ARHGAP8: variants seen among roughly 807,000 people sequenced by gnomAD.
ARHGAP8 encodes Rho GTPase activating protein 8, also known as rho GTPase-activating protein 8.
ARHGAP8 carries 62 observed loss-of-function variants against 46.1 expected under a neutral mutation model. The observed-to-expected ratio is 1.34, with a 90% CI of 1.10 to 1.66. ARHGAP8 has a LOEUF of 1.66. Among genes scored for constraint, ARHGAP8 ranks in the 40% most tolerant of loss-of-function variants. The pLI is 0.00. For synonymous variants in ARHGAP8, 375 were observed against 243.1 expected (o/e 1.54, Z -5.05); for missense variants, 923 against 568.4 (o/e 1.62, Z -6.34).
chr22:44,769,832 T>G (rs1000988769), intron 1 of ARHGAP8, among the ~76,000 whole-genome samples: 1 of 152,240 alleles, frequency 6.6e-6, no homozygotes, highest in Non-Finnish European at 1.5e-5. Flanking sequence ...ACAGGAGAAC[T>G]GGAGTTATGA....
chr22:44,790,422 T>C (rs1927573359), intron 2 of ARHGAP8, among the ~76,000 whole-genome samples: 1 of 151,962 alleles, frequency 6.6e-6, no homozygotes. Context: ...ATGCCTGTAA[T>C]CCCAGTACTT....
At position 44,857,678 on chromosome 22, in the gene ARHGAP8, C is replaced by G. The variant is rs537049039; in HGVS notation, c.878-2053C>G. Among the ~76,000 whole-genome samples, 34 of 152,222 alleles carry G rather than the reference C, an allele frequency of 2.2e-4. 1 individual carries two copies. The highest frequency in any genetic ancestry group is 8.2e-4 in the African/African-American group (34 of 41,538). Reference sequence around the variant, plus strand: ...CTTCCCTCTGGGTATAGGGAAGGCGCCTCTCATAGGATGATCTCATGGCCT... The same window carrying G: ...CTTCCCTCTGGGTATAGGGAAGGCGGCTCTCATAGGATGATCTCATGGCCT... On this transcript the variant is annotated intron_variant, in intron 10 of 11. Coordinates refer to ENST00000356099, the MANE Select transcript of ARHGAP8 (RefSeq NM_181335.3).
intron 4 of ARHGAP8, chr22:44,808,660 C>G (rs1489745925): frequency 2.3e-6 from 2 of 853,182 alleles, no homozygotes; most frequent in Non-Finnish European, 3.7e-6. Flanking sequence ...TTCTTTCTTT[C>G]TTTTTTTTAA....
intron 7 of ARHGAP8, among the ~76,000 whole-genome samples, chr22:44,843,836 A>G (rs1931806820): frequency 6.6e-6 from 1 of 151,854 alleles, no homozygotes; most frequent in Non-Finnish European, 1.5e-5. Context: ...AAAAAAAAAA[A>G]AAAAAAAAGG....
intron 7 of ARHGAP8, among the ~76,000 whole-genome samples, chr22:44,833,992 A>G (rs1295627531): frequency 6.6e-6 from 1 of 152,104 alleles, no homozygotes; most frequent in Non-Finnish European, 1.5e-5. Flanking sequence ...GTCACTAGTA[A>G]TGTTTCCTCT....
Position 44,798,529 on chromosome 22 carries a change from GTT to G in ARHGAP8, c.80-3534_80-3533del, listed in dbSNP as rs55701477. On this transcript the variant is annotated intron_variant, in intron 2 of 11. Coordinates refer to ENST00000356099, the MANE Select transcript of ARHGAP8 (RefSeq NM_181335.3). ...ATTCTGAGGGTCCAGGGGGACTTGCGTTTTTTTTTTTTTTTGGGTAGGGCTGG... is the reference window on the plus strand; with the variant it reads ...ATTCTGAGGGTCCAGGGGGACTTGCGTTTTTTTTTTTTTGGGTAGGGCTGG... Among the ~76,000 whole-genome samples, 459 of 130,002 alleles carry G rather than the reference GTT, an allele frequency of 3.5e-3. 5 individuals are homozygous for G. Among genetic ancestry groups the G allele is most frequent in the African/African-American group, 0.011 (374 of 35,466 alleles). 85.3% of individuals were successfully genotyped at this position (130,002 alleles called of 152,430 possible).
chr22:44,792,568 C>T (rs1013809443), intron 2 of ARHGAP8, among the ~76,000 whole-genome samples: 9 of 152,286 alleles, frequency 5.9e-5, no homozygotes, highest in South Asian at 2.1e-4. Context: ...AGGACTTCTT[C>T]GGCCAAGGGC....
At chr22:44,826,335 C>T (rs1602231476) in intron 7 of ARHGAP8, among the ~76,000 whole-genome samples, 1 of 152,182 alleles carries the variant, frequency 6.6e-6, no homozygotes, top group Non-Finnish European at 1.5e-5. Flanking sequence ...GTTACCGCAG[C>T]GTAACCTGTC....
At chr22:44,824,240 C>T (rs1404202900) in intron 6 of ARHGAP8, among the ~76,000 whole-genome samples, 2 of 152,216 alleles carry the variant, frequency 1.3e-5, no homozygotes, top group African/African-American at 4.8e-5. Context: ...GTAAAGTAGA[C>T]AAAATAACCC....
Position 44,859,671 on chromosome 22 carries a change from G to A in ARHGAP8, c.878-60G>A, listed in dbSNP as rs114453650. The A allele has an allele frequency of 2.4e-3, 3,839 of 1,582,548 alleles. 90 individuals carry two copies. In the African/African-American group the frequency reaches 0.041, roughly 17 times the overall value. On this transcript the variant is annotated intron_variant, in intron 10 of 11. Transcript: ENST00000356099. ...TACACCCCTGTTCTCCTCCCGGGCC[G>A]GGATGCAGCGCTGCCCCTGGCCCCT...
chr22:44,801,141 GGGGGCACC>G (rs1928494750), intron 2 of ARHGAP8, among the ~76,000 whole-genome samples: 1 of 48,846 alleles, frequency 2.0e-5, no homozygotes, highest in Non-Finnish European at 3.6e-5. Context: ...GTCCATGTGT[GGGGGCACC>G]TCTCCCCGCA....
chr22:44,834,775 T>C (rs948830260), intron 7 of ARHGAP8, among the ~76,000 whole-genome samples: 1 of 152,198 alleles, frequency 6.6e-6, no homozygotes, highest in Non-Finnish European at 1.5e-5. Context: ...TCCACATGTT[T>C]AGGGGCTGTA....
intron 10 of ARHGAP8, 152 bp from the exon 11 acceptor site, chr22:44,859,579 C>G (rs138633847): frequency 2.0e-5 from 15 of 733,156 alleles, no homozygotes; most frequent in African/African-American, 1.1e-4. Flanking sequence ...CAGAGCCATA[C>G]GGCCAGAAGA....
At chr22:44,826,990 C>A (rs1930566033) in intron 7 of ARHGAP8, among the ~76,000 whole-genome samples, 1 of 152,134 alleles carries the variant, frequency 6.6e-6, no homozygotes, top group Admixed American at 6.6e-5. Flanking sequence ...ATTCCCAGAA[C>A]CTGTGATTAG....
At chr22:44,805,678 A>G (rs1194512558) in intron 3 of ARHGAP8, among the ~76,000 whole-genome samples, 1 of 152,186 alleles carries the variant, frequency 6.6e-6, no homozygotes, top group African/African-American at 2.4e-5. Context: ...TGCCCAGAGG[A>G]AAAGGCATCT....
At chr22:44,762,866 C>T (rs574720982) in intron 1 of ARHGAP8, among the ~76,000 whole-genome samples, 2 of 152,146 alleles carry the variant, frequency 1.3e-5, no homozygotes, top group South Asian at 4.2e-4. Context: ...CTTGACCGTA[C>T]CTGAGTTTGT....
intron 10 of ARHGAP8, among the ~76,000 whole-genome samples, chr22:44,851,940 CAGCACTTCGGGA>C (rs555050949): frequency 2.8e-4 from 42 of 152,108 alleles, no homozygotes; most frequent in Non-Finnish European, 4.3e-4. Flanking sequence ...CCTGTAAACT[CAGCACTTCGGGA>C]AGCCAAGGTG....
In ARHGAP8 at chr22:44,859,711, G is replaced by T. The variant is rs1463726136; in HGVS notation, c.878-20G>T. The T allele has an allele frequency of 2.5e-6, 4 of 1,611,548 alleles. No homozygotes were observed. Among genetic ancestry groups the T allele is most frequent in the Non-Finnish European group, 3.4e-6 (4 of 1,179,520 alleles). ...CCCTGGCCCCTCTGGAGCTCAGCAG[G>T]GAGCCCCATGCCCTTCCAGGTGTGG... On this transcript the variant is annotated intron_variant, in intron 10 of 11. Coordinates refer to ENST00000356099, the MANE Select transcript of ARHGAP8 (RefSeq NM_181335.3).
intron 7 of ARHGAP8, among the ~76,000 whole-genome samples, chr22:44,843,450 C>A (rs867196412): frequency 1.3e-5 from 2 of 152,096 alleles, no homozygotes; most frequent in South Asian, 2.1e-4. Context: ...TTAAGAATAT[C>A]TTTGAAAGTA....
Sources: gnomAD v4.1 joint callset for allele counts (sites outside exome capture counted in the v4.1 genomes callset) on GRCh38, gnomAD v4.1.1 for gene constraint, MANE v1.5 for transcripts, NCBI Gene and HGNC (gene_info 2026-07-23, HGNC 2026-07-21) for gene names.